The following ARHGEF7 variants were observed in gnomAD, a reference collection of about 807,000 sequenced individuals.
ARHGEF7 encodes PAK-interacting exchange factor beta.
Under a neutral mutation model 109.8 loss-of-function variants are expected in ARHGEF7, and 33 were observed. The ratio of observed to expected loss-of-function variants is 0.30; its 90% CI spans 0.23 to 0.40. The LOEUF is 0.40. ARHGEF7 is among the 10% of genes least tolerant of loss of function. ARHGEF7 has a pLI of 1.00. For missense variants in ARHGEF7, 938 were observed against 1,098.5 expected, an observed-to-expected ratio of 0.85 and a Z score of 2.07; for synonymous variants, 458 against 424.6, an observed-to-expected ratio of 1.08 and a Z score of -0.97.
intron 2 of ARHGEF7, among the ~76,000 whole-genome samples, chr13:111,197,927 A>G (rs1208051530): frequency 6.6e-6 from 1 of 152,138 alleles, no homozygotes; most frequent in Non-Finnish European, 1.5e-5. Flanking sequence ...CCAGGAGGCA[A>G]GGGTCAGGAT....
chr13:111,213,513 C>G (rs2082748235), intron 4 of ARHGEF7, among the ~76,000 whole-genome samples: 1 of 152,180 alleles, frequency 6.6e-6, no homozygotes, highest in Non-Finnish European at 1.5e-5. Context: ...GCTTGCGTTC[C>G]CCAAGGTATC....
intron 1 of ARHGEF7, among the ~76,000 whole-genome samples, chr13:111,139,773 A>G (rs534672792): frequency 1.3e-5 from 2 of 152,360 alleles, no homozygotes; most frequent in African/African-American, 4.8e-5. Flanking sequence ...GGCTGAACTG[A>G]TGCCCATGCA....
At chr13:111,292,635 A>G (rs1237482568) in intron 19 of ARHGEF7, 4 of 1,165,470 alleles carry the variant, frequency 3.4e-6, no homozygotes, top group Non-Finnish European at 4.2e-6. Context: ...CAACTGTTTG[A>G]TTTCTTTCTG....
chr13:111,115,854 G>T (rs1461922583), intron 1 of ARHGEF7, among the ~76,000 whole-genome samples, 163 bp downstream of exon 1: 2 of 150,532 alleles, frequency 1.3e-5, no homozygotes, highest in East Asian at 2.0e-4. Flanking sequence ...GCGGGAGCTC[G>T]GGGGGCGCCA....
chr13:111,232,965 A>G (rs2086300657), intron 5 of ARHGEF7, among the ~76,000 whole-genome samples: 1 of 152,154 alleles, frequency 6.6e-6, no homozygotes, highest in Admixed American at 6.5e-5. Context: ...GACGCCTTCA[A>G]CTTGAAACTG....
Position 111,266,961 on chromosome 13 carries a change from G to GC in ARHGEF7, c.951-585dup, listed in dbSNP as rs1412234844. 34 of 453,136 alleles carry GC rather than the reference G, an allele frequency of 7.5e-5. No homozygotes were observed. Among genetic ancestry groups the GC allele is most frequent in the African/African-American group, 6.8e-4 (34 of 50,010 alleles). The allele number at this position is 453,136 out of a possible 1,614,324, so 28.1% of individuals were successfully genotyped here. On this transcript the variant is annotated intron_variant, in intron 8 of 21. Coordinates refer to ENST00000646102, the MANE Select transcript of ARHGEF7 (RefSeq NM_001354046.2). The surrounding 1 kb of genome is among the most constrained non-coding windows in gnomAD (Gnocchi z 4.8). ...AGGGGCCCTGATGCCCACAGCTTGTGCCGACTTGTCACCCCTCATGCAGCT... is the reference window on the plus strand; with the variant it reads ...AGGGGCCCTGATGCCCACAGCTTGTGCCCGACTTGTCACCCCTCATGCAGCT...
At chr13:111,150,079 G>A (rs2075818288) in intron 1 of ARHGEF7, among the ~76,000 whole-genome samples, 1 of 152,206 alleles carries the variant, frequency 6.6e-6, no homozygotes, top group African/African-American at 2.4e-5. Context: ...TACCTTAGGA[G>A]TTTGTCTTTT....
At chr13:111,142,442 A>C (rs2075390092) in intron 1 of ARHGEF7, among the ~76,000 whole-genome samples, 1 of 152,282 alleles carries the variant, frequency 6.6e-6, no homozygotes, top group Non-Finnish European at 1.5e-5. Flanking sequence ...ACAGATTGCT[A>C]CACATCTTAT....
chr13:111,136,006 G>A (rs1405256651), intron 1 of ARHGEF7, among the ~76,000 whole-genome samples: 4 of 152,168 alleles, frequency 2.6e-5, no homozygotes, highest in Non-Finnish European at 2.9e-5. Flanking sequence ...TTAGCATGAA[G>A]GGCTGTTGAA....
intron 2 of ARHGEF7, among the ~76,000 whole-genome samples, chr13:111,204,446 G>A (rs1245163354): frequency 1.4e-4 from 21 of 152,200 alleles, no homozygotes; most frequent in Admixed American, 1.4e-3. Context: ...CTTTGCTTGA[G>A]GTTATTTGGT....
At chr13:111,248,873 A>G (rs1226729228) in intron 8 of ARHGEF7, among the ~76,000 whole-genome samples, 1 of 152,082 alleles carries the variant, frequency 6.6e-6, no homozygotes, top group Non-Finnish European at 1.5e-5. Flanking sequence ...GTGACTTTGA[A>G]TTGTGTCCTG....
chr13:111,202,849 T>G (rs199691151), intron 2 of ARHGEF7, among the ~76,000 whole-genome samples: 1 of 152,242 alleles, frequency 6.6e-6, no homozygotes, highest in East Asian at 1.9e-4. Context: ...ATCGAAACAT[T>G]TTGTTGGCTG....
Position 111,205,002 on chromosome 13 carries a change from A to C in ARHGEF7, c.253-287A>C, listed in dbSNP as rs9588381. 8.6e-5 allele frequency among the ~76,000 whole-genome samples: 13 copies of C among 151,558 alleles called. No individual in the cohort carries two copies. In the South Asian group the frequency reaches 1.3e-3, roughly 15 times the overall value. On this transcript the variant is annotated intron_variant, in intron 2 of 21. Coordinates refer to ENST00000646102, the MANE Select transcript of ARHGEF7 (RefSeq NM_001354046.2). ...CTGAATGCCAGCAGCCCACCCCCCC[A>C]CCCCGCCCCGCCCCCGTGAATGAGC...
chr13:111,203,979 T>C (rs1288624350), intron 2 of ARHGEF7, among the ~76,000 whole-genome samples: 1 of 152,158 alleles, frequency 6.6e-6, no homozygotes, highest in Non-Finnish European at 1.5e-5. Context: ...TTGGGAGATG[T>C]ACAATCTGCC....
rs1467308430 is a variant in ARHGEF7 at position 111,266,477 on chromosome 13, G to A, written c.951-1071G>A. On this transcript the variant is annotated intron_variant, in intron 8 of 21. Transcript: ENST00000646102. The surrounding 1 kb of genome is among the most constrained non-coding windows in gnomAD (Gnocchi z 4.8). ...CTTCTGCTTATATTTTTGGTTTTCT[G>A]TATCATGAACTTTTATTCTGATGTG... Among the ~76,000 whole-genome samples, 3 of 152,068 alleles carry A rather than the reference G, an allele frequency of 2.0e-5. No individual in the cohort carries two copies. The highest frequency in any genetic ancestry group is 2.0e-4 in the Admixed American group (3 of 15,272).
intron 2 of ARHGEF7, among the ~76,000 whole-genome samples, chr13:111,192,436 A>G (rs2080002543): frequency 6.6e-6 from 1 of 152,182 alleles, no homozygotes; most frequent in South Asian, 2.1e-4. Context: ...TTTGCCAAAG[A>G]AGTTATATCT....
chr13:111,123,038 A>G (rs924361439), intron 1 of ARHGEF7, among the ~76,000 whole-genome samples: 3 of 152,170 alleles, frequency 2.0e-5, no homozygotes, highest in Admixed American at 6.5e-5. Context: ...AGTGGCCCCA[A>G]TTCTCCAACC....
intron 9 of ARHGEF7, among the ~76,000 whole-genome samples, chr13:111,268,475 A>C (rs1420966292): frequency 6.6e-6 from 1 of 152,268 alleles, no homozygotes; most frequent in African/African-American, 2.4e-5. Context: ...TAGTAGCATA[A>C]AGATAAATGC....
chr13:111,117,676 T>C (rs748341244), intron 1 of ARHGEF7, among the ~76,000 whole-genome samples: 9 of 152,186 alleles, frequency 5.9e-5, no homozygotes, highest in Non-Finnish European at 1.0e-4. Context: ...TTCTTTTCTT[T>C]TTCTCTTTCT....
Sources: gnomAD v4.1 joint callset for allele counts (sites outside exome capture counted in the v4.1 genomes callset) on GRCh38, gnomAD v4.1.1 for gene constraint, Gnocchi (gnomAD v3.1) non-coding constraint, MANE v1.5 for transcripts, NCBI Gene and HGNC (gene_info 2026-07-23, HGNC 2026-07-21) for gene names.